The following ANO4 variants were observed in gnomAD, a reference collection of about 807,000 sequenced individuals.
ANO4 encodes anoctamin-4.
A neutral mutation model predicts 141.9 loss-of-function variants in ANO4; 69 were observed. The ratio of observed to expected loss-of-function variants is 0.49; its 90% confidence interval spans 0.40 to 0.59. The LOEUF is 0.59. Among genes scored for constraint, ANO4 ranks in the 20% least tolerant of loss-of-function variants. The probability of loss-of-function intolerance (pLI) is 0.00; values close to 1 mark genes in which losing one functional copy is unlikely to be tolerated. For missense variants in ANO4, 894 were observed against 1,162.2 expected, an observed-to-expected ratio of 0.77 and a Z score of 3.36; for synonymous variants, 350 against 394.3, an observed-to-expected ratio of 0.89 and a Z score of 1.33.
At chr12:101,023,407 A>G (rs1021111454) in intron 9 of ANO4, among the ~76,000 whole-genome samples, 1 of 152,202 alleles carries the variant, frequency 6.6e-6, no homozygotes, top group Admixed American at 6.5e-5. Flanking sequence ...ACATTGGCTC[A>G]TGCCTGGAAT....
chr12:100,807,537 A>T (rs973338354), intron 1 of ANO4, among the ~76,000 whole-genome samples: 1 of 152,156 alleles, frequency 6.6e-6, no homozygotes, highest in Non-Finnish European at 1.5e-5. Flanking sequence ...GAAAGGGTTA[A>T]ATTAAATTTA....
At chr12:100,988,327 C>T (rs2044823473) in intron 8 of ANO4, among the ~76,000 whole-genome samples, 1 of 152,098 alleles carries the variant, frequency 6.6e-6, no homozygotes, top group African/African-American at 2.4e-5. Flanking sequence ...GAAATGATGG[C>T]TGGATGCAGG....
At chr12:100,763,275 G>A (rs564166030) in intron 3 of ANO4, among the ~76,000 whole-genome samples, 85 of 152,252 alleles carry the variant, frequency 5.6e-4, no homozygotes, top group African/African-American at 1.9e-3. Flanking sequence ...AAACCCACAG[G>A]CGTGGCAGCA....
chr12:100,754,188 T>A (rs1191194801), intron 3 of ANO4, among the ~76,000 whole-genome samples: 1 of 152,234 alleles, frequency 6.6e-6, no homozygotes, highest in Non-Finnish European at 1.5e-5. Flanking sequence ...TGTGAACACA[T>A]AACTCACAAT....
At chr12:101,076,565 C>G (rs1386189161) in intron 14 of ANO4, among the ~76,000 whole-genome samples, 3 of 152,214 alleles carry the variant, frequency 2.0e-5, no homozygotes, top group Admixed American at 1.3e-4. Context: ...GTGACAGCCA[C>G]TGGCTCATCT....
At chr12:100,726,684 T>C (rs964083389) in intron 1 of ANO4, among the ~76,000 whole-genome samples, 6 of 152,192 alleles carry the variant, frequency 3.9e-5, no homozygotes, top group Non-Finnish European at 1.5e-5. Context: ...AGCAGGGTGG[T>C]AGAGAACAGT....
chr12:100,822,843 G>A (rs1191188476), intron 1 of ANO4, among the ~76,000 whole-genome samples: 2 of 151,672 alleles, frequency 1.3e-5, no homozygotes, highest in Admixed American at 1.3e-4. Context: ...GTAACTTTAG[G>A]ATTCTCATGT....
At chr12:101,032,671 A>G (rs1257877843) in intron 9 of ANO4, among the ~76,000 whole-genome samples, 1 of 151,878 alleles carries the variant, frequency 6.6e-6, no homozygotes, top group Non-Finnish European at 1.5e-5. Context: ...ATGAACAGAC[A>G]CTTCTCAAAA....
intron 3 of ANO4, among the ~76,000 whole-genome samples, chr12:100,784,126 A>G (rs558292679): frequency 6.6e-5 from 10 of 152,272 alleles, no homozygotes; most frequent in Admixed American, 2.6e-4. Context: ...TGTCACTAGC[A>G]GTTGCTAAAC....
intron 3 of ANO4, among the ~76,000 whole-genome samples, chr12:100,763,698 A>G (rs1272664871): frequency 6.6e-6 from 1 of 152,072 alleles, no homozygotes; most frequent in Non-Finnish European, 1.5e-5. Context: ...TGGGTGTTTT[A>G]TTTCGGGTCA....
At chr12:100,995,719 A>T (rs1349168001) in intron 8 of ANO4, among the ~76,000 whole-genome samples, 1 of 152,236 alleles carries the variant, frequency 6.6e-6, no homozygotes, top group Non-Finnish European at 1.5e-5. Flanking sequence ...TGCCTTTAAA[A>T]GGCACAGATT....
At chr12:100,784,322 C>T (rs561553459) in intron 3 of ANO4, among the ~76,000 whole-genome samples, 10 of 152,310 alleles carry the variant, frequency 6.6e-5, no homozygotes, top group African/African-American at 2.4e-4. Context: ...GATCTTCTAA[C>T]TACACCCAGA....
intron 1 of ANO4, among the ~76,000 whole-genome samples, chr12:100,819,035 GTA>G (rs35083836): frequency 0.19 from 28,640 of 147,786 alleles, 3,212 homozygotes; most frequent in African/African-American, 0.31. Flanking sequence ...ATGTATGTGT[GTA>G]TATATATATG....
intron 3 of ANO4, among the ~76,000 whole-genome samples, chr12:100,744,304 A>C (rs1440337298): frequency 6.6e-6 from 1 of 152,164 alleles, no homozygotes; most frequent in East Asian, 1.9e-4. Context: ...TGGGTGGCTT[A>C]AACAACAAAC....
intron 26 of ANO4, among the ~76,000 whole-genome samples, chr12:101,122,075 C>T (rs2051120080): frequency 1.3e-5 from 2 of 152,096 alleles, no homozygotes; most frequent in Non-Finnish European, 2.9e-5. Flanking sequence ...TAATAAAAGC[C>T]GTACTGACTG....
Position 100,922,297 on chromosome 12 carries a change from G to T in ANO4, c.127G>T (p.Asp43Tyr). ...ILPDGPKSDV[D>Y]FSEILNAIQE... ...ACCTGACGGGCCAAAGAGTGATGTG[G>T]ACTTTTCAGAGATTCTTAATGCAAT... The change falls in exon 3 of 28, where the codon GAC (aspartate) becomes TAC (tyrosine). Residue 43 changes from aspartate (D) to tyrosine (Y), a missense_variant. By Grantham distance (160) the Asp-to-Tyr change is radical. Coordinates refer to ENST00000392977, the MANE Select transcript of ANO4 (RefSeq NM_001286615.2). 6.5e-7 allele frequency: 1 copy of T among 1,532,202 alleles called. No homozygotes were observed. Among genetic ancestry groups the T allele is most frequent in the Non-Finnish European group, 8.7e-7 (1 of 1,145,722 alleles). The allele number at this position is 1,532,202 out of a possible 1,614,324, so 94.9% of individuals were successfully genotyped here.
chr12:101,016,074 A>T (rs959694659), intron 8 of ANO4, among the ~76,000 whole-genome samples: 1 of 152,210 alleles, frequency 6.6e-6, no homozygotes, highest in Non-Finnish European at 1.5e-5. Context: ...AGATGGCAAG[A>T]GCAAGAGCAG....
chr12:100,911,763 G>C (rs2041112513), intron 2 of ANO4, among the ~76,000 whole-genome samples: 2 of 152,114 alleles, frequency 1.3e-5, no homozygotes, highest in African/African-American at 4.8e-5. Context: ...GGATTATTAA[G>C]GAGAGACTTT....
intron 10 of ANO4, 97 bp downstream of exon 10, chr12:101,037,247 T>C (rs2047236259): frequency 2.3e-6 from 3 of 1,315,612 alleles, no homozygotes; most frequent in Non-Finnish European, 3.2e-6. Flanking sequence ...TGACATTTGC[T>C]CAGAATGAAT....
Sources: gnomAD v4.1 joint callset for allele counts (sites outside exome capture counted in the v4.1 genomes callset) on GRCh38, gnomAD v4.1.1 for gene constraint, MANE v1.5 for transcripts, NCBI Gene and HGNC (gene_info 2026-07-23, HGNC 2026-07-21) for gene names.